The following DOCK8 variants were observed in gnomAD, a reference collection of about 807,000 sequenced individuals.
The protein encoded by DOCK8 is dedicator of cytokinesis 8.
In DOCK8, 141 loss-of-function variants were observed where a neutral mutation model predicts 245.6. The ratio of observed to expected loss-of-function variants is 0.57; its 90% CI spans 0.50 to 0.66. The LOEUF (loss-of-function observed/expected upper bound fraction) is 0.66. DOCK8 is among the 30% of genes least tolerant of loss of function. The probability of loss-of-function intolerance (pLI) is 0.00; values close to 1 mark genes in which losing one functional copy is unlikely to be tolerated. For missense variants in DOCK8, 2,965 were observed against 2,603.4 expected (o/e 1.14, Z -3.02); for synonymous variants, 1,168 against 970.2 (o/e 1.20, Z -3.79).
chr9:446,362 C>T lies in DOCK8; in HGVS notation c.5581-8C>T. 6.2e-7 allele frequency: 1 copy of T among 1,612,460 alleles called. No homozygotes were observed. Among genetic ancestry groups the T allele is most frequent in the Non-Finnish European group, 8.5e-7 (1 of 1,178,490 alleles). On this transcript the variant is annotated splice_region_variant and splice_polypyrimidine_tract_variant and intron_variant, in intron 43 of 47. Transcript: ENST00000432829. ...TCATCTTCTCCCTCCGTGCCTTTTC[C>T]CCCTTAGGCCTACATACAGATCACT...
chr9:304,812 G>A (rs2049737783), intron 5 of DOCK8, 108 bp downstream of exon 5: 1 of 1,487,232 alleles, frequency 6.7e-7, no homozygotes. Flanking sequence ...GAAAGTTTGA[G>A]TAGGAGGAAC....
At chr9:371,298 C>G in intron 16 of DOCK8, 130 bp from the exon 17 acceptor site, 1 of 1,038,650 alleles carries the variant, frequency 9.6e-7, no homozygotes, top group Non-Finnish European at 1.5e-6. Context: ...AGCTTCAGAG[C>G]AGAGTAATGT....
chr9:337,500 G>A (rs935015017), intron 12 of DOCK8, among the ~76,000 whole-genome samples: 3 of 152,072 alleles, frequency 2.0e-5, no homozygotes, highest in Non-Finnish European at 2.9e-5. Context: ...TCTCCTTCCC[G>A]GTGGATCTCA....
chr9:397,533 AT>A (rs1325411066), intron 25 of DOCK8, among the ~76,000 whole-genome samples: 2 of 151,274 alleles, frequency 1.3e-5, no homozygotes, highest in African/African-American at 4.9e-5. Flanking sequence ...TACTAAAAAT[AT>A]GGAAAATTAG....
At chr9:422,287 G>T (rs1317151596) in intron 33 of DOCK8, 152 bp downstream of exon 33, 1 of 763,674 alleles carries the variant, frequency 1.3e-6, no homozygotes, top group Non-Finnish European at 2.3e-6. Flanking sequence ...AGGGACCCAG[G>T]ATAATCAAAG....
At chr9:334,492 G>C in intron 11 of DOCK8, 108 bp downstream of exon 11, 1 of 1,186,302 alleles carries the variant, frequency 8.4e-7, no homozygotes, top group Non-Finnish European at 1.2e-6. Flanking sequence ...GGGAAGTGGG[G>C]AGGCAGAAGG....
At chr9:392,268 G>A (rs1019367413) in intron 24 of DOCK8, among the ~76,000 whole-genome samples, 2 of 152,110 alleles carry the variant, frequency 1.3e-5, no homozygotes, top group Admixed American at 6.6e-5. Context: ...AGAACAAAGG[G>A]CAAAGGAAAC....
rs368000910 is a variant in DOCK8, at chr9:452,069, A to G, written c.6020A>G (p.Tyr2007Cys). ...LAEIPADPKL[Y>C]RHHNKLRLCF... ...GAAATTCCTGCTGATCCAAAACTCTATCGACATCACAACAAGTTGAGGTTA... is the reference window on the plus strand; with the variant it reads ...GAAATTCCTGCTGATCCAAAACTCTGTCGACATCACAACAAGTTGAGGTTA... Residue 2007 changes from tyrosine to cysteine, a missense_variant, in exon 46 of 48, where the codon TAT becomes TGT. Physicochemically the swap from Tyr to Cys is radical, Grantham distance 194 (BLOSUM62 -2). Transcript: ENST00000432829. 6 of 1,608,906 alleles carry G rather than the reference A, an allele frequency of 3.7e-6. No individual in the cohort carries two copies. The highest frequency in any genetic ancestry group is 5.1e-6 in the Non-Finnish European group (6 of 1,178,570).
intron 36 of DOCK8, among the ~76,000 whole-genome samples, chr9:430,389 T>C (rs1248585549): frequency 6.6e-6 from 1 of 150,440 alleles, no homozygotes; most frequent in African/African-American, 2.4e-5. Context: ...ATAATAATAA[T>C]AAAATAAAAT....
chr9:323,128 G>A (rs2050595792), intron 7 of DOCK8, among the ~76,000 whole-genome samples: 1 of 148,374 alleles, frequency 6.7e-6, no homozygotes, highest in Admixed American at 6.7e-5. Context: ...CAATTAATGT[G>A]CAATTACCTA....
intron 5 of DOCK8, among the ~76,000 whole-genome samples, chr9:305,421 T>A (rs1266863088): frequency 1.3e-5 from 2 of 151,484 alleles, no homozygotes; most frequent in Non-Finnish European, 2.9e-5. Flanking sequence ...TAGCTGGGAC[T>A]ACAGGCTCCC....
chr9:449,209 G>A (rs1213255680), intron 44 of DOCK8, among the ~76,000 whole-genome samples: 4 of 152,190 alleles, frequency 2.6e-5, no homozygotes, highest in Admixed American at 6.5e-5. Context: ...AATTATCTGG[G>A]TGTGGTGGTG....
At chr9:339,157 A>G in intron 13 of DOCK8, 58 bp downstream of exon 13, 3 of 1,420,600 alleles carry the variant, frequency 2.1e-6, no homozygotes, top group Admixed American at 1.7e-5. Flanking sequence ...ATCGTTAGAC[A>G]CAGTCTTTGT....
intron 23 of DOCK8, 127 bp downstream of exon 23, chr9:386,553 C>T: frequency 1.3e-6 from 1 of 764,858 alleles, no homozygotes; most frequent in South Asian, 1.5e-5. Flanking sequence ...AACACACACA[C>T]ACCCCACACA....
intron 9 of DOCK8, among the ~76,000 whole-genome samples, chr9:331,477 C>G (rs1039946599): frequency 6.6e-6 from 1 of 152,190 alleles, no homozygotes; most frequent in African/African-American, 2.4e-5. Context: ...TTGTTAAATA[C>G]TTTGTGCCTA....
intron 33 of DOCK8, among the ~76,000 whole-genome samples, chr9:422,718 C>G (rs943202398): frequency 2.0e-5 from 3 of 152,194 alleles, no homozygotes; most frequent in Non-Finnish European, 2.9e-5. Context: ...TAGTGTGTGG[C>G]TCACGCCTGT....
chr9:280,380 C>T (rs981501109), intron 2 of DOCK8, among the ~76,000 whole-genome samples: 1 of 152,070 alleles, frequency 6.6e-6, no homozygotes, highest in African/African-American at 2.4e-5. Context: ...TGAAAGGAGG[C>T]GTATCAGTCA....
intron 14 of DOCK8, chr9:366,664 A>G (rs1289375810): frequency 6.6e-6 from 1 of 152,202 alleles, no homozygotes; most frequent in Non-Finnish European, 1.5e-5. Flanking sequence ...ACATTTGGGG[A>G]AAGAAGAGTC....
At chr9:390,373 A>C in intron 23 of DOCK8, 98 bp from the exon 24 acceptor site, 3 of 1,111,646 alleles carry the variant, frequency 2.7e-6, no homozygotes, top group Non-Finnish European at 4.1e-6. Flanking sequence ...AGGAACGAAC[A>C]AGCTATTAAA....
Sources: allele counts gnomAD v4.1 joint callset (sites outside exome capture counted in the v4.1 genomes callset), GRCh38; gene constraint gnomAD v4.1.1; transcripts MANE v1.5; gene names NCBI Gene and HGNC (gene_info 2026-07-23, HGNC 2026-07-21).